SIK3: variants seen among roughly 807,000 people sequenced by gnomAD.
The protein encoded by SIK3 is serine/threonine-protein kinase SIK3.
SIK3 carries 28 observed loss-of-function variants against 144.2 expected under a neutral mutation model. That is an observed-to-expected ratio of 0.19 (90% CI 0.14 to 0.27). The LOEUF is 0.27. Ranked by LOEUF, SIK3 falls within the 10% of genes least tolerant of loss-of-function variation. The pLI is 1.00. For missense variants in SIK3, 1,319 were observed against 1,776.0 expected (o/e 0.74, Z 4.62); for synonymous variants, 686 against 676.3 (o/e 1.01, Z -0.22).
Position 116,859,494 on chromosome 11 carries a change from T to C in SIK3, c.2536A>G (p.Met846Val), listed in dbSNP as rs1323895095. The C allele has an allele frequency of 6.2e-7, 1 of 1,614,060 alleles. No individual in the cohort carries two copies. The highest frequency in any genetic ancestry group is 1.1e-5 in the South Asian group (1 of 91,086). Residue 846 changes from methionine (M) to valine (V), a missense_variant, in exon 20 of 25, where the codon ATG (methionine) becomes GTG (valine). This residue lies in a region of SIK3 where 646 missense variants were observed against 763.7 expected (regional missense o/e 0.85). Transcript: ENST00000445177. Reference protein sequence around the residue: ...PPNVALTCLGMQQPAQSQQVT... With the variant: ...PPNVALTCLGVQQPAQSQQVT... ...TGCTGTGACTGAGCAGGCTGCTGCA[T>C]ACCCAAGCAGGTTAGTGCCACGTTG... is the stretch of plus-strand genomic sequence containing the variant.
intron 3 of SIK3, among the ~76,000 whole-genome samples, chr11:116,953,727 C>T (rs181342463): frequency 1.3e-5 from 2 of 152,218 alleles, no homozygotes; most frequent in Non-Finnish European, 2.9e-5. Context: ...CACTTGGTAA[C>T]CTCAATTAAA....
chr11:117,008,075 C>CAAAAAAAA (rs59486431), intron 1 of SIK3, among the ~76,000 whole-genome samples: 9 of 54,662 alleles, frequency 1.6e-4, no homozygotes, highest in African/African-American at 1.4e-4. Flanking sequence ...GACTCCATCT[C>CAAAAAAAA]AAAAAAAAAA....
At chr11:116,887,312 T>C (rs933851332) in intron 6 of SIK3, among the ~76,000 whole-genome samples, 2 of 150,768 alleles carry the variant, frequency 1.3e-5, no homozygotes, top group Non-Finnish European at 2.9e-5. Flanking sequence ...TTAGATCATG[T>C]TAATAATATA....
chr11:116,936,890 G>T (rs954779276), intron 3 of SIK3, among the ~76,000 whole-genome samples: 1 of 152,144 alleles, frequency 6.6e-6, no homozygotes, highest in African/African-American at 2.4e-5. Context: ...CTTCTTGCTG[G>T]AATGCCTGTC....
At chr11:117,031,320 A>AT (rs959434360) in intron 1 of SIK3, among the ~76,000 whole-genome samples, 3 of 146,526 alleles carry the variant, frequency 2.0e-5, no homozygotes, top group African/African-American at 7.5e-5. Context: ...CTCTCAGTTA[A>AT]TTTTTTTATA....
intron 1 of SIK3, among the ~76,000 whole-genome samples, chr11:117,023,621 AATAT>A (rs1555131639): frequency 0.035 from 3,307 of 95,444 alleles, 215 homozygotes; most frequent in African/African-American, 0.13. Flanking sequence ...AAAAAAAAAA[AATAT>A]ATATATATAT....
chr11:116,887,572 G>A (rs1260478970), intron 6 of SIK3, among the ~76,000 whole-genome samples: 4 of 148,924 alleles, frequency 2.7e-5, no homozygotes, highest in Admixed American at 6.7e-5. Flanking sequence ...AGCTGAGGTC[G>A]CACCACTGCA....
At position 116,844,656 on chromosome 11, in the gene SIK3, TAA is replaced by T. The variant is rs1941808864; in HGVS notation, c.*985_*986del. On this transcript the variant is annotated 3_prime_UTR_variant, in exon 25 of 25. Coordinates refer to ENST00000445177, the MANE Select transcript of SIK3 (RefSeq NM_001366686.3). ...TATATTATATTATATATTATATATA[TAA>T]TATATATATACACATATATTATATT... 1 of 115,988 alleles carries T rather than the reference TAA, an allele frequency of 8.6e-6. No homozygotes were observed. Among genetic ancestry groups the T allele is most frequent in the Non-Finnish European group, 1.7e-5 (1 of 57,168 alleles). The allele number at this position is 115,988 out of a possible 1,614,324, so 7.2% of individuals were successfully genotyped here.
intron 1 of SIK3, among the ~76,000 whole-genome samples, chr11:117,064,416 C>G (rs1422681608): frequency 2.0e-5 from 3 of 152,168 alleles, no homozygotes; most frequent in Non-Finnish European, 2.9e-5. Flanking sequence ...AGATTGCTGA[C>G]TCAAAGCCAT....
chr11:116,947,569 ATT>A (rs1555107834), intron 3 of SIK3, among the ~76,000 whole-genome samples: 8,500 of 109,242 alleles, frequency 0.078, 414 homozygotes, highest in Middle Eastern at 0.13. Flanking sequence ...GTATGTATGT[ATT>A]TTTTTTTTTT....
At chr11:117,090,161 T>C (rs565467259) in intron 1 of SIK3, among the ~76,000 whole-genome samples, 1 of 152,294 alleles carries the variant, frequency 6.6e-6, no homozygotes, top group South Asian at 2.1e-4. Context: ...TAAAAGCCCA[T>C]TTGAATGTAT....
At position 116,867,447 on chromosome 11, in the gene SIK3, T is replaced by TTA. The variant is rs1943708647; in HGVS notation, c.1952+498_1952+499insTA. Reference sequence around the variant, plus strand: ...CCATCAGAATATTGAAAGAATGACCTCTTAAATACATCGCTCAAGAGGATC... The same window carrying TTA: ...CCATCAGAATATTGAAAGAATGACCTTACTTAAATACATCGCTCAAGAGGATC... On this transcript the variant is annotated intron_variant, in intron 15 of 24. Coordinates refer to ENST00000445177, the MANE Select transcript of SIK3 (RefSeq NM_001366686.3). This position sits in a 1 kb window ranked among gnomAD's most constrained non-coding sequence, Gnocchi z 4.1. Among the ~76,000 whole-genome samples the TTA allele has an allele frequency of 1.3e-5, 2 of 152,196 alleles. No homozygotes were observed. The highest frequency in any genetic ancestry group is 4.8e-5 in the African/African-American group (2 of 41,442).
chr11:117,066,641 T>TC (rs1483092918), intron 1 of SIK3, among the ~76,000 whole-genome samples: 1 of 150,852 alleles, frequency 6.6e-6, no homozygotes, highest in Non-Finnish European at 1.5e-5. Flanking sequence ...GCTCAAGTGA[T>TC]CCCCCCACCT....
chr11:116,875,782 C>G, intron 9 of SIK3, 84 bp downstream of exon 9: 4 of 1,457,140 alleles, frequency 2.7e-6, no homozygotes, highest in Non-Finnish European at 3.7e-6. Context: ...AAGAAACTCT[C>G]GACTTAGGGT....
intron 1 of SIK3, among the ~76,000 whole-genome samples, chr11:117,047,700 T>A (rs1953032750): frequency 6.6e-6 from 1 of 152,116 alleles, no homozygotes; most frequent in Non-Finnish European, 1.5e-5. Context: ...TCCCAGCACT[T>A]CGGAGGCCGA....
chr11:117,023,621 A>AAATATATATATAT (rs754624841), intron 1 of SIK3, among the ~76,000 whole-genome samples: 23 of 95,412 alleles, frequency 2.4e-4, no homozygotes, highest in African/African-American at 8.7e-4. Flanking sequence ...AAAAAAAAAA[A>AAATATATATATAT]ATATATATAT....
chr11:116,846,227 G>A lies in SIK3; in HGVS notation c.*13+156C>T, dbSNP rs920137387. Among the ~76,000 whole-genome samples the A allele has an allele frequency of 7.2e-5, 11 of 152,192 alleles. No homozygotes were observed. The highest frequency in any genetic ancestry group is 1.7e-4 in the African/African-American group (7 of 41,448). On this transcript the variant is annotated intron_variant, in intron 24 of 24. Transcript: ENST00000445177. This position sits in a 1 kb window ranked among gnomAD's most constrained non-coding sequence, Gnocchi z 4.1. ...CTCGCGCCCTAAAACTAGCAGCGTC[G>A]TTAATGAAAAGCAAGAAACTGTGAA...
intron 6 of SIK3, chr11:116,893,720 C>G (rs576262): frequency 0.88 from 134,692 of 152,410 alleles, 61,090 homozygotes; most frequent in Non-Finnish European, 0.98. Flanking sequence ...GGAGGGAGGG[C>G]AAGGGTGAAG....
chr11:117,037,272 C>T (rs1003450520), intron 1 of SIK3, among the ~76,000 whole-genome samples: 5 of 152,090 alleles, frequency 3.3e-5, no homozygotes, highest in African/African-American at 4.8e-5. Context: ...AGGATCCTCT[C>T]GCCATTTAAG....
Sources: allele counts gnomAD v4.1 joint callset (sites outside exome capture counted in the v4.1 genomes callset), GRCh38; gene constraint gnomAD v4.1.1; regional missense constraint gnomAD v4.1.1; non-coding constraint Gnocchi (gnomAD v3.1); transcripts MANE v1.5; gene names NCBI Gene and HGNC (gene_info 2026-07-23, HGNC 2026-07-21).